Variants in HIVEP3 observed in about 807,000 individuals in gnomAD.
HIVEP3 encodes the protein transcription factor HIVEP3.
HIVEP3 carries 49 observed loss-of-function variants against 152.8 expected under a neutral mutation model. The ratio of observed to expected loss-of-function variants is 0.32; its 90% CI spans 0.26 to 0.41. HIVEP3 has a LOEUF of 0.41. Among genes scored for constraint, HIVEP3 ranks in the 10% least tolerant of loss-of-function variants. The probability of loss-of-function intolerance (pLI) is 1.00; values close to 1 mark genes in which losing one functional copy is unlikely to be tolerated. For synonymous variants in HIVEP3, 1,269 were observed against 1,289.0 expected (o/e 0.98, Z 0.33); for missense variants, 2,790 against 3,103.3 (o/e 0.90, Z 2.40).
Position 41,628,896 on chromosome 1 carries a change from G to T in HIVEP3, c.-669C>A. 8.1e-7 allele frequency: 1 copy of T among 1,231,798 alleles called. No homozygotes were observed. Among genetic ancestry groups the T allele is most frequent in the African/African-American group, 1.5e-5 (1 of 64,530 alleles). 76.3% of individuals were successfully genotyped at this position (1,231,798 alleles called of 1,614,324 possible). A position where few individuals can be genotyped will look rare whatever the true frequency, so the allele number is the denominator to read the frequency against. Reference sequence around the variant, plus strand: ...GGCGGGCTTGCTTGGCCAGGACCCCGCGAGGCTCCTCCATGAACTAGGTTG... The same window carrying T: ...GGCGGGCTTGCTTGGCCAGGACCCCTCGAGGCTCCTCCATGAACTAGGTTG... On this transcript the variant is annotated 5_prime_UTR_variant, in exon 3 of 9. Coordinates refer to ENST00000372583, the MANE Select transcript of HIVEP3 (RefSeq NM_024503.5).
At chr1:41,644,076 A>G (rs1645421449) in intron 2 of HIVEP3, among the ~76,000 whole-genome samples, 1 of 151,754 alleles carries the variant, frequency 6.6e-6, no homozygotes, top group Non-Finnish European at 1.5e-5. Context: ...TGTGGAGATG[A>G]GGTCTCACTA....
chr1:41,787,905 T>A (rs944678346), intron 1 of HIVEP3, among the ~76,000 whole-genome samples: 26 of 152,006 alleles, frequency 1.7e-4, no homozygotes, highest in African/African-American at 5.3e-4. Flanking sequence ...AAGAAATATG[T>A]GGGGAGGGGG....
At chr1:41,759,601 T>C (rs1402019306) in intron 1 of HIVEP3, among the ~76,000 whole-genome samples, 3 of 152,216 alleles carry the variant, frequency 2.0e-5, no homozygotes, top group African/African-American at 7.2e-5. Context: ...ATGTTTAACT[T>C]ATTCAGGAAC....
intron 2 of HIVEP3, among the ~76,000 whole-genome samples, chr1:41,642,389 C>T (rs531309657): frequency 6.6e-6 from 1 of 152,382 alleles, no homozygotes; most frequent in East Asian, 1.9e-4. Flanking sequence ...TTGTCTCTGT[C>T]TGGAATATTT....
intron 1 of HIVEP3, among the ~76,000 whole-genome samples, chr1:41,811,690 G>C (rs952878347): frequency 6.6e-6 from 1 of 151,848 alleles, no homozygotes; most frequent in Admixed American, 6.6e-5. Context: ...GGAGCACCAC[G>C]GGGAGGGGGT....
chr1:41,528,137 T>A (rs1451990669), intron 5 of HIVEP3, among the ~76,000 whole-genome samples: 2 of 87,302 alleles, frequency 2.3e-5, no homozygotes, highest in African/African-American at 9.8e-5. Context: ...ACCTTCATAC[T>A]CCACACCCCT....
chr1:41,872,882 A>G (rs1390829316), intron 1 of HIVEP3, among the ~76,000 whole-genome samples: 1 of 152,340 alleles, frequency 6.6e-6, no homozygotes, highest in Admixed American at 6.5e-5. Flanking sequence ...TTCCACCAAC[A>G]TATGTGTTCA....
At chr1:41,913,390 G>T (rs1644825756) in intron 1 of HIVEP3, among the ~76,000 whole-genome samples, 1 of 152,036 alleles carries the variant, frequency 6.6e-6, no homozygotes. Flanking sequence ...ATGTTTATCA[G>T]GGCATCTCTG....
chr1:41,964,131 C>T (rs1393879781), intron 1 of HIVEP3, among the ~76,000 whole-genome samples: 1 of 152,216 alleles, frequency 6.6e-6, no homozygotes, highest in Non-Finnish European at 1.5e-5. Context: ...GCCAAGATGG[C>T]TGCCTAGAAG....
chr1:41,906,308 G>GA (rs11383763), intron 1 of HIVEP3, among the ~76,000 whole-genome samples: 12,746 of 142,218 alleles, frequency 0.09, 1,087 homozygotes, highest in African/African-American at 0.23. Context: ...GACTCTGTCT[G>GA]AAAAAAAAAA....
At chr1:42,032,662 T>C (rs1487132464) in intron 1 of HIVEP3, among the ~76,000 whole-genome samples, 2 of 151,898 alleles carry the variant, frequency 1.3e-5, no homozygotes, top group East Asian at 3.9e-4. Flanking sequence ...TCCCCCACCA[T>C]TCCCCTGGGA....
At chr1:41,526,466 CCACACT>C (rs1642917469) in intron 5 of HIVEP3, among the ~76,000 whole-genome samples, 1 of 127,438 alleles carries the variant, frequency 7.8e-6, no homozygotes, top group Non-Finnish European at 1.7e-5. Flanking sequence ...GCTCACACCC[CCACACT>C]CACCTTCACA....
intron 1 of HIVEP3, among the ~76,000 whole-genome samples, chr1:41,904,619 A>G (rs1644681150): frequency 6.6e-6 from 1 of 150,414 alleles, no homozygotes; most frequent in South Asian, 2.1e-4. Flanking sequence ...CACCTCCCAC[A>G]GGCCCACAGA....
chr1:41,981,196 C>G (rs1253071636), intron 1 of HIVEP3, among the ~76,000 whole-genome samples: 2 of 152,144 alleles, frequency 1.3e-5, no homozygotes, highest in Non-Finnish European at 2.9e-5. Context: ...GAAGAAGGTA[C>G]GTGTCTCCAA....
At chr1:41,741,011 C>T (rs1224027124) in intron 1 of HIVEP3, among the ~76,000 whole-genome samples, 3 of 152,178 alleles carry the variant, frequency 2.0e-5, no homozygotes, top group Admixed American at 6.5e-5. Context: ...AGGAAGAGAA[C>T]GATTTCCTGG....
At chr1:41,888,968 C>T (rs1644400321) in intron 1 of HIVEP3, among the ~76,000 whole-genome samples, 2 of 147,088 alleles carry the variant, frequency 1.4e-5, no homozygotes, top group South Asian at 4.3e-4. Context: ...CACACACACA[C>T]ACAAAGACCA....
intron 1 of HIVEP3, among the ~76,000 whole-genome samples, chr1:41,892,107 A>T (rs1323195060): frequency 6.6e-6 from 1 of 152,244 alleles, no homozygotes; most frequent in Non-Finnish European, 1.5e-5. Flanking sequence ...ATATTTGGAC[A>T]CCGAAGCTGT....
chr1:41,516,484 C>T (rs1364650741), intron 7 of HIVEP3, among the ~76,000 whole-genome samples: 1 of 152,212 alleles, frequency 6.6e-6, no homozygotes, highest in Non-Finnish European at 1.5e-5. Flanking sequence ...TTCGTTCTTC[C>T]CCCTCTCTTC....
chr1:41,811,273 G>A (rs1444019086), intron 1 of HIVEP3, among the ~76,000 whole-genome samples: 2 of 151,468 alleles, frequency 1.3e-5, no homozygotes, highest in South Asian at 2.1e-4. Flanking sequence ...CCAGCCAGGT[G>A]TGCTGTCCTC....
Sources: gnomAD v4.1 joint callset for allele counts (sites outside exome capture counted in the v4.1 genomes callset) on GRCh38, gnomAD v4.1.1 for gene constraint, MANE v1.5 for transcripts, NCBI Gene and HGNC (gene_info 2026-07-23, HGNC 2026-07-21) for gene names.